Variants in SMURF2 observed in about 807,000 individuals in gnomAD.
SMURF2 encodes the protein E3 ubiquitin-protein ligase SMURF2.
Under a neutral mutation model 109.6 loss-of-function variants are expected in SMURF2, and 48 were observed. That is an observed-to-expected ratio of 0.44 (90% CI 0.35 to 0.56). The LOEUF (loss-of-function observed/expected upper bound fraction) is 0.56, where lower values mean the gene tolerates loss of function less well. Ranked by LOEUF, SMURF2 falls within the 20% of genes least tolerant of loss-of-function variation. The pLI, the probability that SMURF2 is intolerant of heterozygous loss-of-function variation, is 0.01. For synonymous variants in SMURF2, 288 were observed against 317.1 expected, an observed-to-expected ratio of 0.91 and a Z score of 0.97; for missense variants, 575 against 909.0, an observed-to-expected ratio of 0.63 and a Z score of 4.72.
At chr17:64,585,241 T>C (rs547948335) in intron 6 of SMURF2, among the ~76,000 whole-genome samples, 1 of 152,332 alleles carries the variant, frequency 6.6e-6, no homozygotes, top group Non-Finnish European at 1.5e-5. Context: ...ATAAAAATCA[T>C]GACTTTAGAA....
At position 64,562,698 on chromosome 17, in the gene SMURF2, TAAGGTTTGTATTAGC is replaced by T. The variant is rs1969239667; in HGVS notation, c.1212+58_1212+72del. 2.1e-6 allele frequency: 3 copies of T among 1,439,506 alleles called. No homozygotes were observed. In the Admixed American group the frequency reaches 5.8e-5, roughly 28 times the overall value. 89.2% of individuals were successfully genotyped at this position (1,439,506 alleles called of 1,614,324 possible). ...CGGCCAATTTCTCTCTAATTTAAAA[TAAGGTTTGTATTAGC>T]AAGCAATGGGTTTCTGGAAAAAAAA... On this transcript the variant is annotated intron_variant, in intron 11 of 18. Coordinates refer to ENST00000262435, the MANE Select transcript of SMURF2 (RefSeq NM_022739.4).
In SMURF2 at chr17:64,583,472, C is replaced by T. The variant is rs1969604562; in HGVS notation, c.558G>A (p.Glu186=). 1.2e-6 allele frequency: 2 copies of T among 1,613,326 alleles called. No homozygotes were observed. The highest frequency in any genetic ancestry group is 1.7e-5 in the Admixed American group (1 of 59,994). ...LNHITRTTQW[E]RPTRPASEYS... Reference sequence around the variant, plus strand: ...TTGTATGTTCTTACCGTGTTGGGCGCTCCCATTGCGTAGTTCTTGTTATAT... The same window carrying T: ...TTGTATGTTCTTACCGTGTTGGGCGTTCCCATTGCGTAGTTCTTGTTATAT... Residue 186 remains glutamate, a synonymous_variant, in exon 7 of 19, where the codon GAG becomes GAA. Transcript: ENST00000262435.
chr17:64,629,193 A>C (rs1282123111), intron 1 of SMURF2, among the ~76,000 whole-genome samples: 1 of 152,214 alleles, frequency 6.6e-6, no homozygotes, highest in Non-Finnish European at 1.5e-5. Context: ...CCTAATGCAG[A>C]TCAGGTATCA....
In SMURF2 at chr17:64,547,655, A is replaced by C; in HGVS notation, c.2016T>G (p.Leu672=). 1.2e-6 allele frequency: 2 copies of C among 1,613,878 alleles called. No individual in the cohort carries two copies. The highest frequency in any genetic ancestry group is 1.7e-6 in the Non-Finnish European group (2 of 1,179,972). The part of the protein sequence containing the change: ...FFDEERRARL[L]QFVTGSSRVP... The stretch of plus-strand genomic sequence containing the variant: ...CTCGAGAGGATCCTGTCACAAACTG[A>C]AGCAATCTTGCTCGTCGCTCTTCAT... Residue 672 remains leucine (L), a synonymous_variant, in exon 17 of 19, where the codon CTT becomes CTG. Transcript: ENST00000262435. The surrounding 1 kb of genome is among the most constrained non-coding windows in gnomAD (Gnocchi z 4.2).
In SMURF2 at chr17:64,638,487, C is replaced by A. The variant is rs114806959; in HGVS notation, c.52+23342G>T. Among the ~76,000 whole-genome samples the A allele has an allele frequency of 2.9e-3, 435 of 152,358 alleles. 1 individual carries two copies. The highest frequency in any genetic ancestry group is 0.01 in the African/African-American group (423 of 41,588). On this transcript the variant is annotated intron_variant, in intron 1 of 18. Transcript: ENST00000262435. ...AAGTGCTGGGATTACAGGCGTAAGC[C>A]ACCACGCTCAGCCTGTTGTTATTGA...
chr17:64,659,898 A>G (rs1318759823), intron 1 of SMURF2, among the ~76,000 whole-genome samples: 1 of 152,222 alleles, frequency 6.6e-6, no homozygotes, highest in African/African-American at 2.4e-5. Context: ...AAAACTATTC[A>G]GAGACAAATA....
intron 6 of SMURF2, among the ~76,000 whole-genome samples, chr17:64,585,561 T>G (rs1969641114): frequency 6.6e-6 from 1 of 152,188 alleles, no homozygotes; most frequent in African/African-American, 2.4e-5. Context: ...TAGTAAGGAT[T>G]AGAACTCAGG....
chr17:64,619,196 T>C (rs1473953787), intron 1 of SMURF2, among the ~76,000 whole-genome samples: 1 of 151,964 alleles, frequency 6.6e-6, no homozygotes, highest in African/African-American at 2.4e-5. Flanking sequence ...AAAAAGAACA[T>C]GGCCGGGCAC....
At chr17:64,636,801 A>G (rs1970422987) in intron 1 of SMURF2, among the ~76,000 whole-genome samples, 1 of 150,946 alleles carries the variant, frequency 6.6e-6, no homozygotes, top group African/African-American at 2.4e-5. Flanking sequence ...AAAAAAAAAG[A>G]GTTCTTTATA....
chr17:64,608,324 T>A (rs1298892437), intron 1 of SMURF2, among the ~76,000 whole-genome samples: 1 of 152,140 alleles, frequency 6.6e-6, no homozygotes, highest in Non-Finnish European at 1.5e-5. Flanking sequence ...AAAACAGATG[T>A]CATCACTAAA....
At chr17:64,601,836 GTGTGTGTGTGTGTGTATA>G (rs1969901783) in intron 2 of SMURF2, among the ~76,000 whole-genome samples, 1 of 147,150 alleles carries the variant, frequency 6.8e-6, no homozygotes, top group African/African-American at 2.5e-5. Context: ...AAGAAATGTG[GTGTGTGTGTGTGTGTATA>G]TGTGTGTGTG....
At position 64,598,689 on chromosome 17, in the gene SMURF2, G is replaced by A. The variant is rs575501071; in HGVS notation, c.92-199C>T. ...AAATACCAAAACTATATTTTTTCTC[G>A]TTTCTGTCTCAAAATAGTCCCAGTT... is the stretch of plus-strand genomic sequence containing the variant. On this transcript the variant is annotated intron_variant, in intron 2 of 18. Transcript: ENST00000262435. 6.6e-5 allele frequency among the ~76,000 whole-genome samples: 10 copies of A among 151,690 alleles called. 1 individual carries two copies. The highest frequency in any genetic ancestry group is 3.9e-4 in the East Asian group (2 of 5,180).
At chr17:64,590,277 G>C (rs1969732934) in intron 5 of SMURF2, among the ~76,000 whole-genome samples, 1 of 151,748 alleles carries the variant, frequency 6.6e-6, no homozygotes, top group Non-Finnish European at 1.5e-5. Context: ...GAGTAGCTGG[G>C]ATTACAGGCA....
At chr17:64,646,556 T>C (rs1377907999) in intron 1 of SMURF2, among the ~76,000 whole-genome samples, 3 of 151,940 alleles carry the variant, frequency 2.0e-5, no homozygotes, top group African/African-American at 7.2e-5. Context: ...CTAATTTTTG[T>C]AGTTTTTGTA....
At chr17:64,620,109 T>C (rs146943980) in intron 1 of SMURF2, among the ~76,000 whole-genome samples, 125 of 152,282 alleles carry the variant, frequency 8.2e-4, no homozygotes, top group African/African-American at 2.8e-3. Context: ...CAGAAAGCAA[T>C]GTCTTTATCT....
chr17:64,547,876 G>T lies in SMURF2; in HGVS notation c.1870-75C>A. The T allele has an allele frequency of 1.6e-6, 2 of 1,236,350 alleles. No homozygotes were observed. The highest frequency in any genetic ancestry group is 1.2e-5 in the South Asian group (1 of 81,034). 76.6% of individuals were successfully genotyped at this position (1,236,350 alleles called of 1,614,324 possible). A position where few individuals can be genotyped will look rare whatever the true frequency, so the allele number is the denominator to read the frequency against. On this transcript the variant is annotated intron_variant, in intron 16 of 18. Transcript: ENST00000262435. The surrounding 1 kb of genome is among the most constrained non-coding windows in gnomAD (Gnocchi z 4.2). ...AAAAATTCCTCAAAAGAGAACTTTAGGTTTGTACTGCTGGCTGTCATTTGG... is the reference window on the plus strand; with the variant it reads ...AAAAATTCCTCAAAAGAGAACTTTATGTTTGTACTGCTGGCTGTCATTTGG...
intron 1 of SMURF2, among the ~76,000 whole-genome samples, chr17:64,617,208 G>A (rs1210348823): frequency 1.3e-5 from 2 of 151,306 alleles, no homozygotes; most frequent in African/African-American, 4.9e-5. Flanking sequence ...TCTTTCAACA[G>A]ATATAGTAAT....
intron 8 of SMURF2, among the ~76,000 whole-genome samples, chr17:64,579,625 G>C (rs528000389): frequency 6.6e-6 from 1 of 152,292 alleles, no homozygotes; most frequent in African/African-American, 2.4e-5. Flanking sequence ...TGGCAGGAGA[G>C]TATTTCTTCT....
In SMURF2 at chr17:64,586,533, G is replaced by A. The variant is rs554334483; in HGVS notation, c.401-363C>T. ...GGAGGCCGAGGCGGGCAGATCACAA[G>A]GTCAGGAGATCGAGACCATCCTGGC... is the stretch of plus-strand genomic sequence containing the variant. On this transcript the variant is annotated intron_variant, in intron 5 of 18. Coordinates refer to ENST00000262435, the MANE Select transcript of SMURF2 (RefSeq NM_022739.4). 1.1e-4 allele frequency among the ~76,000 whole-genome samples: 17 copies of A among 151,806 alleles called. 1 individual carries two copies. The South Asian group carries it at 3.5e-3, about 32-fold the overall frequency.
Sources: gnomAD v4.1 joint callset for allele counts (sites outside exome capture counted in the v4.1 genomes callset) on GRCh38, gnomAD v4.1.1 for gene constraint, Gnocchi (gnomAD v3.1) non-coding constraint, MANE v1.5 for transcripts, NCBI Gene and HGNC (gene_info 2026-07-23, HGNC 2026-07-21) for gene names.